DMAC2: variants seen among roughly 807,000 people sequenced by gnomAD.
DMAC2 encodes distal membrane-arm assembly complex protein 2.
Under a neutral mutation model 29.6 loss-of-function variants are expected in DMAC2, and 32 were observed. The observed-to-expected ratio is 1.08, with a 90% CI of 0.81 to 1.45. The LOEUF (loss-of-function observed/expected upper bound fraction) is 1.45. Ranked by LOEUF, DMAC2 falls within the 40% of genes most tolerant of loss-of-function variation. DMAC2 has a pLI of 0.00. For synonymous variants in DMAC2, 133 were observed against 137.4 expected, an observed-to-expected ratio of 0.97 and a Z score of 0.23; for missense variants, 319 against 340.0, an observed-to-expected ratio of 0.94 and a Z score of 0.49.
At position 41,432,791 on chromosome 19, in the gene DMAC2, T is replaced by C. The variant is rs1174619292; in HGVS notation, c.597-383A>G. On this transcript the variant is annotated intron_variant, in intron 5 of 5. Transcript: ENST00000221943. ...AGGTACAGGACAGCGTGCGTGTGTG[T>C]GTGTGTGTGTGTGTGTGTGTGTGTG... The C allele has an allele frequency of 2.8e-3, 1,119 of 406,226 alleles. 10 individuals carry two copies. Among genetic ancestry groups the C allele is most frequent in the East Asian group, 4.8e-3 (121 of 25,442 alleles). The allele number at this position is 406,226 out of a possible 1,614,324, so 25.2% of individuals were successfully genotyped here.
intron 2 of DMAC2, among the ~76,000 whole-genome samples, chr19:41,437,648 T>C (rs1422374969): frequency 3.3e-5 from 5 of 150,830 alleles, no homozygotes; most frequent in Non-Finnish European, 5.9e-5. Context: ...GCAGTGAGCT[T>C]AGATTGCGCC....
intron 2 of DMAC2, among the ~76,000 whole-genome samples, chr19:41,436,764 T>C (rs2122257162): frequency 6.6e-6 from 1 of 152,272 alleles, no homozygotes; most frequent in African/African-American, 2.4e-5. Flanking sequence ...AGAATGTCAA[T>C]TCCATGACCA....
At chr19:41,432,587 G>A (rs2039582821) in intron 5 of DMAC2, 179 bp from the exon 6 acceptor site, 10 of 602,598 alleles carry the variant, frequency 1.7e-5, no homozygotes, top group Admixed American at 2.5e-5. Context: ...GTGTGTGTGT[G>A]TATAGGGAGG....
At position 41,432,315 on chromosome 19, in the gene DMAC2, C is replaced by T. The variant is rs571205426; in HGVS notation, c.690G>A (p.Glu230=). The change falls in exon 6 of 6, where the codon GAG becomes GAA. Residue 230 remains glutamate (E), a synonymous_variant. Coordinates refer to ENST00000221943, the MANE Select transcript of DMAC2 (RefSeq NM_018035.3). ...CCTCAGCCCAGTCGACTCCCACAAC[C>T]TCGCAATTGGGCAGCATCTCCTCCA... ...ILVEEMLPNC[E]VVGVDWAEGL... 1.9e-6 allele frequency: 3 copies of T among 1,614,214 alleles called. No individual in the cohort carries two copies. Among genetic ancestry groups the T allele is most frequent in the African/African-American group, 1.3e-5 (1 of 75,064 alleles).
chr19:41,432,564 T>TGTGC lies in DMAC2; in HGVS notation c.597-160_597-157dup, dbSNP rs1555769428. On this transcript the variant is annotated intron_variant, in intron 5 of 5. Coordinates refer to ENST00000221943, the MANE Select transcript of DMAC2 (RefSeq NM_018035.3). ...GTGTATAGGGAGGTACAGGACAGTGTGTGCGTGTGTGTGTGTGTGTGTGTA... is the reference window on the plus strand; with the variant it reads ...GTGTATAGGGAGGTACAGGACAGTGTGTGCGTGCGTGTGTGTGTGTGTGTGTGTA... 3,681 of 605,464 alleles carry TGTGC rather than the reference T, an allele frequency of 6.1e-3. 27 individuals are homozygous for TGTGC. The highest frequency in any genetic ancestry group is 7.5e-3 in the South Asian group (403 of 53,728). 37.5% of individuals were successfully genotyped at this position (605,464 alleles called of 1,614,324 possible).
Position 41,431,900 on chromosome 19 carries a change from G to A in DMAC2, c.*331C>T, listed in dbSNP as rs1555768913. 1 of 345,656 alleles carries A rather than the reference G, an allele frequency of 2.9e-6. No individual in the cohort carries two copies. Among genetic ancestry groups the A allele is most frequent in the South Asian group, 3.7e-5 (1 of 26,924 alleles). The allele number at this position is 345,656 out of a possible 1,614,324, so 21.4% of individuals were successfully genotyped here. On this transcript the variant is annotated 3_prime_UTR_variant, in exon 6 of 6. Coordinates refer to ENST00000221943, the MANE Select transcript of DMAC2 (RefSeq NM_018035.3). Reference sequence around the variant, plus strand: ...GTCAGTCAGGGTCCCTGCAAGAAATGGCAGTGCACTCACATAAGGACAGTT... The same window carrying A: ...GTCAGTCAGGGTCCCTGCAAGAAATAGCAGTGCACTCACATAAGGACAGTT...
Position 41,432,137 on chromosome 19 carries a change from GAGTGAA to G in DMAC2, c.*88_*93del. ...AGCACCACTCCCCCACCCTGACGTT[GAGTGAA>G]GACAAATGGAAGCCAGAAGTGTGGT... On this transcript the variant is annotated 3_prime_UTR_variant, in exon 6 of 6. Transcript: ENST00000221943. The G allele has an allele frequency of 7.1e-7, 1 of 1,412,266 alleles. No individual in the cohort carries two copies. 87.5% of individuals were successfully genotyped at this position (1,412,266 alleles called of 1,614,324 possible). A position where few individuals can be genotyped will look rare whatever the true frequency, so the allele number is the denominator to read the frequency against.
intron 5 of DMAC2, chr19:41,432,918 A>G: frequency 1.9e-6 from 1 of 518,636 alleles, no homozygotes; most frequent in Non-Finnish European, 3.4e-6. Context: ...GTGTATAGGG[A>G]GGTACTGGCC....
chr19:41,438,710 T>C (rs1265843527), intron 1 of DMAC2, among the ~76,000 whole-genome samples: 1 of 152,168 alleles, frequency 6.6e-6, no homozygotes, highest in Non-Finnish European at 1.5e-5. Flanking sequence ...CTGCATTATT[T>C]GACCTCTTAA....
chr19:41,432,295 GC>G lies in DMAC2; in HGVS notation c.709del (p.Ala237LeufsTer4), dbSNP rs782160432. 70 of 1,614,050 alleles carry G rather than the reference GC, an allele frequency of 4.3e-5. No individual in the cohort carries two copies. The East Asian group carries it at 1.4e-3, about 33-fold the overall frequency. ...CTCCGGCCCTGACTTCAGGCCCTCA[GC>G]CCAGTCGACTCCCACAACCTCGCAA... ...PNCEVVGVDW[A>X]EGLKSGPEEQ... On this transcript the variant is annotated frameshift_variant, in exon 6 of 6. Transcript: ENST00000221943. LOFTEE classifies it low-confidence loss of function (END_TRUNC).
chr19:41,433,777 T>G, intron 3 of DMAC2, 104 bp from the exon 4 acceptor site: 1 of 1,444,986 alleles, frequency 6.9e-7, no homozygotes, highest in Non-Finnish European at 9.5e-7. Context: ...TAGGTCACCC[T>G]TGACATAACT....
At chr19:41,434,234 C>CA (rs376069477) in intron 3 of DMAC2, among the ~76,000 whole-genome samples, 11,073 of 141,800 alleles carry the variant, frequency 0.078, 1,387 homozygotes, top group African/African-American at 0.27. Flanking sequence ...GACTCCATCT[C>CA]AAAAAAAAAA....
At chr19:41,434,397 C>CAA (rs1160927067) in intron 3 of DMAC2, among the ~76,000 whole-genome samples, 4,589 of 62,912 alleles carry the variant, frequency 0.073, 501 homozygotes, top group African/African-American at 0.26. Flanking sequence ...GACCCTATCT[C>CAA]AAAAAAAAAA....
chr19:41,439,322 T>G (rs1206087810), intron 1 of DMAC2: 3 of 562,268 alleles, frequency 5.3e-6, no homozygotes, highest in Non-Finnish European at 6.2e-6. Flanking sequence ...ATTCCTTGAT[T>G]TTAAATCCTC....
At chr19:41,432,566 T>TGC in intron 5 of DMAC2, 158 bp from the exon 6 acceptor site, 1 of 629,290 alleles carries the variant, frequency 1.6e-6, no homozygotes. Context: ...GGACAGTGTG[T>TGC]GCGTGTGTGT....
intron 5 of DMAC2, 81 bp from the exon 6 acceptor site, chr19:41,432,489 CGT>C (rs113869037): frequency 6.8e-3 from 8,426 of 1,240,566 alleles, no homozygotes; most frequent in Non-Finnish European, 7.2e-3. Flanking sequence ...ACAGCGTGTG[CGT>C]GTGTGTGTGT....
Position 41,432,075 on chromosome 19 carries a change from A to G in DMAC2, c.*156T>C. 1 of 820,736 alleles carries G rather than the reference A, an allele frequency of 1.2e-6. No individual in the cohort carries two copies. The highest frequency in any genetic ancestry group is 1.9e-6 in the Non-Finnish European group (1 of 531,880). The allele number at this position is 820,736 out of a possible 1,614,324, so 50.8% of individuals were successfully genotyped here. A position where few individuals can be genotyped will look rare whatever the true frequency, so the allele number is the denominator to read the frequency against. ...CCTTTAGCCAAGGGCAGCCAGGAAT[A>G]AATACTGGGAACTCACGCTCTCTCC... On this transcript the variant is annotated 3_prime_UTR_variant, in exon 6 of 6. Coordinates refer to ENST00000221943, the MANE Select transcript of DMAC2 (RefSeq NM_018035.3).
chr19:41,437,031 T>G (rs976596015), intron 2 of DMAC2, among the ~76,000 whole-genome samples: 4 of 152,168 alleles, frequency 2.6e-5, no homozygotes, highest in African/African-American at 9.7e-5. Context: ...TTTTAGGCCT[T>G]GGAGATTGGC....
chr19:41,433,777 T>A, intron 3 of DMAC2, 104 bp from the exon 4 acceptor site: 1 of 1,444,986 alleles, frequency 6.9e-7, no homozygotes, highest in Non-Finnish European at 9.5e-7. Context: ...TAGGTCACCC[T>A]TGACATAACT....
Sources: allele counts gnomAD v4.1 joint callset (sites outside exome capture counted in the v4.1 genomes callset), GRCh38; gene constraint gnomAD v4.1.1; transcripts MANE v1.5; gene names NCBI Gene and HGNC (gene_info 2026-07-23, HGNC 2026-07-21).